The following CDC42BPA variants were observed in gnomAD, a reference collection of about 807,000 sequenced individuals.
CDC42BPA encodes CDC42 binding protein kinase alpha, also known as serine/threonine-protein kinase MRCK alpha.
A neutral mutation model predicts 223.5 loss-of-function variants in CDC42BPA; 80 were observed. The ratio of observed to expected loss-of-function variants is 0.36; its 90% confidence interval spans 0.30 to 0.43. The LOEUF (loss-of-function observed/expected upper bound fraction) is 0.43. CDC42BPA is among the 20% of genes least tolerant of loss of function. The pLI, the probability that CDC42BPA is intolerant of heterozygous loss-of-function variation, is 1.00. For missense variants in CDC42BPA, 1,743 were observed against 2,099.9 expected, an observed-to-expected ratio of 0.83 and a Z score of 3.32; for synonymous variants, 694 against 718.6, an observed-to-expected ratio of 0.97 and a Z score of 0.55.
At chr1:227,143,368 C>T (rs1352080179) in intron 8 of CDC42BPA, among the ~76,000 whole-genome samples, 1 of 152,206 alleles carries the variant, frequency 6.6e-6, no homozygotes, top group Non-Finnish European at 1.5e-5. Context: ...TTTGTAGACA[C>T]GTGCAGAGCA....
At chr1:227,120,037 A>G in intron 11 of CDC42BPA, 100 bp from the exon 12 acceptor site, 1 of 848,564 alleles carries the variant, frequency 1.2e-6, no homozygotes, top group South Asian at 1.9e-5. Context: ...TGGTATTTTC[A>G]ATTTAGTGTT....
At chr1:227,086,885 T>C (rs1682052904) in intron 16 of CDC42BPA, among the ~76,000 whole-genome samples, 2 of 151,968 alleles carry the variant, frequency 1.3e-5, no homozygotes, top group Admixed American at 6.6e-5. Flanking sequence ...ATTTCCCAGA[T>C]TGGTTTTGAA....
At chr1:227,311,035 C>CAT (rs1693450488) in intron 1 of CDC42BPA, among the ~76,000 whole-genome samples, 1 of 152,054 alleles carries the variant, frequency 6.6e-6, no homozygotes, top group Admixed American at 6.5e-5. Flanking sequence ...TGGGATAATC[C>CAT]ATACTTACAG....
chr1:227,307,367 C>T (rs528296092), intron 1 of CDC42BPA, among the ~76,000 whole-genome samples: 1 of 152,254 alleles, frequency 6.6e-6, no homozygotes, highest in Non-Finnish European at 1.5e-5. Context: ...TGTTAGAAGA[C>T]TTTATTAACC....
At chr1:227,157,017 G>C (rs915026591) in intron 6 of CDC42BPA, among the ~76,000 whole-genome samples, 1 of 152,078 alleles carries the variant, frequency 6.6e-6, no homozygotes, top group East Asian at 1.9e-4. Flanking sequence ...AGTTATCCTA[G>C]AGCAGTATAA....
chr1:227,087,698 T>G (rs1354304829), intron 16 of CDC42BPA, among the ~76,000 whole-genome samples: 1 of 152,198 alleles, frequency 6.6e-6, no homozygotes, highest in Non-Finnish European at 1.5e-5. Flanking sequence ...AGTCCTTAAT[T>G]TATCTTAGCA....
intron 14 of CDC42BPA, among the ~76,000 whole-genome samples, chr1:227,110,656 A>G (rs1254875652): frequency 6.6e-6 from 1 of 152,178 alleles, no homozygotes; most frequent in Non-Finnish European, 1.5e-5. Context: ...AGCACCCAGA[A>G]TAGTGCTGGA....
chr1:227,019,433 C>T (rs1666950151), intron 32 of CDC42BPA, among the ~76,000 whole-genome samples: 1 of 152,202 alleles, frequency 6.6e-6, no homozygotes, highest in East Asian at 1.9e-4. Context: ...GAATCTGCTT[C>T]TTCCAAACTC....
At chr1:227,202,848 T>A (rs1290312012) in intron 3 of CDC42BPA, among the ~76,000 whole-genome samples, 3 of 151,596 alleles carry the variant, frequency 2.0e-5, no homozygotes, top group African/African-American at 7.3e-5. Context: ...AAAGATCACA[T>A]GAGCCTAGGA....
In CDC42BPA at chr1:227,318,154, G is replaced by A. The variant is rs916485124; in HGVS notation, c.-972C>T. The stretch of plus-strand genomic sequence containing the variant: ...GCCGGAGGCTCCCGACGCCCCAGGC[G>A]GGGGGGTGCTTCTCTGAATTCAAAG... On this transcript the variant is annotated 5_prime_UTR_variant, in exon 1 of 37. Transcript: ENST00000366766. 4 of 151,152 alleles carry A rather than the reference G, an allele frequency of 2.6e-5. No homozygotes were observed. Among genetic ancestry groups the A allele is most frequent in the Admixed American group, 6.8e-5 (1 of 14,810 alleles). The allele number at this position is 151,152 out of a possible 1,614,324, so 9.4% of individuals were successfully genotyped here. A position where few individuals can be genotyped will look rare whatever the true frequency, so the allele number is the denominator to read the frequency against.
chr1:227,203,138 T>C (rs567662693), intron 3 of CDC42BPA, among the ~76,000 whole-genome samples: 18 of 152,142 alleles, frequency 1.2e-4, no homozygotes, highest in Non-Finnish European at 2.1e-4. Flanking sequence ...CAGGAGCATA[T>C]ACATATTTTT....
At chr1:227,297,940 A>ATGTG (rs151032239) in intron 1 of CDC42BPA, among the ~76,000 whole-genome samples, 21 of 87,320 alleles carry the variant, frequency 2.4e-4, no homozygotes, top group Non-Finnish European at 3.5e-4. Context: ...ATTTTGTTTT[A>ATGTG]TGTGTGTGTG....
rs780308080 is a variant in CDC42BPA, at chr1:227,317,260, G to C, written c.-78C>G. ...TATTATCTGAACCTAAATTTTAAAAGGTATGGTTTTAAAAATAAACCACTT... is the reference window on the plus strand; with the variant it reads ...TATTATCTGAACCTAAATTTTAAAACGTATGGTTTTAAAAATAAACCACTT... On this transcript the variant is annotated 5_prime_UTR_variant, in exon 1 of 37. Transcript: ENST00000366766. The C allele has an allele frequency of 1.9e-4, 284 of 1,459,602 alleles. No homozygotes were observed. Among genetic ancestry groups the C allele is most frequent in the Non-Finnish European group, 2.5e-4 (272 of 1,078,494 alleles). 90.4% of individuals were successfully genotyped at this position (1,459,602 alleles called of 1,614,324 possible).
At chr1:227,033,216 T>C (rs1669632799) in intron 27 of CDC42BPA, 118 bp downstream of exon 27, 2 of 630,248 alleles carry the variant, frequency 3.2e-6, no homozygotes, top group African/African-American at 1.8e-5. Flanking sequence ...ATATGGAATA[T>C]ATAAAAGAAT....
chr1:227,304,813 T>C (rs1000590549), intron 1 of CDC42BPA, among the ~76,000 whole-genome samples: 10 of 152,304 alleles, frequency 6.6e-5, no homozygotes, highest in African/African-American at 2.2e-4. Flanking sequence ...CACAAGAGAA[T>C]TTTAGGGATG....
At chr1:227,235,792 A>AGC (rs1240444700) in intron 2 of CDC42BPA, among the ~76,000 whole-genome samples, 5 of 152,196 alleles carry the variant, frequency 3.3e-5, no homozygotes, top group African/African-American at 7.2e-5. Context: ...GAGCATCTCC[A>AGC]GAGAGTAAAA....
chr1:227,062,304 A>G (rs927722768), intron 21 of CDC42BPA, among the ~76,000 whole-genome samples: 1 of 152,150 alleles, frequency 6.6e-6, no homozygotes, highest in Non-Finnish European at 1.5e-5. Flanking sequence ...TAGTTGTTTT[A>G]TGATTTTGCT....
Position 227,260,669 on chromosome 1 carries a change from C to G in CDC42BPA, c.179-6514G>C, listed in dbSNP as rs528012516. 1.3e-5 allele frequency among the ~76,000 whole-genome samples: 2 copies of G among 151,234 alleles called. 1 individual carries two copies. Among genetic ancestry groups the G allele is most frequent in the African/African-American group, 4.9e-5 (2 of 40,528 alleles). Reference sequence around the variant, plus strand: ...GAGTAAGATAAGGCCTGGAAGAGAACAGAGAGTGCTGGAGCAAGAAATTTT... The same window carrying G: ...GAGTAAGATAAGGCCTGGAAGAGAAGAGAGAGTGCTGGAGCAAGAAATTTT... On this transcript the variant is annotated intron_variant, in intron 1 of 36. Transcript: ENST00000366766.
chr1:227,306,309 A>G (rs906230993), intron 1 of CDC42BPA, among the ~76,000 whole-genome samples: 1 of 152,138 alleles, frequency 6.6e-6, no homozygotes, highest in Non-Finnish European at 1.5e-5. Flanking sequence ...ACCCATTTGT[A>G]CATGTTTAAT....
Sources: gnomAD v4.1 joint callset for allele counts (sites outside exome capture counted in the v4.1 genomes callset) on GRCh38, gnomAD v4.1.1 for gene constraint, MANE v1.5 for transcripts, NCBI Gene and HGNC (gene_info 2026-07-23, HGNC 2026-07-21) for gene names.